The following C1orf94 variants were observed in gnomAD, a reference collection of about 807,000 sequenced individuals.
The protein encoded by C1orf94 is uncharacterized protein C1orf94.
A neutral mutation model predicts 53.6 loss-of-function variants in C1orf94; 45 were observed. That is an observed-to-expected ratio of 0.84 (90% CI 0.66 to 1.08). C1orf94 has a LOEUF of 1.08. Among genes scored for constraint, C1orf94 ranks in the 50% least tolerant of loss-of-function variants. C1orf94 has a pLI of 0.00. For synonymous variants in C1orf94, 304 were observed against 296.1 expected (o/e 1.03, Z -0.27); for missense variants, 762 against 738.9 (o/e 1.03, Z -0.36).
intron 5 of C1orf94, 82 bp from the exon 6 acceptor site, chr1:34,212,128 G>T: frequency 7.7e-7 from 1 of 1,297,852 alleles, no homozygotes; most frequent in Non-Finnish European, 1.1e-6. Context: ...GAGCACAGGG[G>T]CTGAGACTGG....
intron 1 of C1orf94, among the ~76,000 whole-genome samples, chr1:34,188,470 G>C (rs1221041003): frequency 6.6e-6 from 1 of 152,176 alleles, no homozygotes; most frequent in Non-Finnish European, 1.5e-5. Flanking sequence ...CCTTCTTTAA[G>C]TCTGAGTATC....
At chr1:34,213,527 T>C (rs1469526282) in intron 6 of C1orf94, among the ~76,000 whole-genome samples, 1 of 152,114 alleles carries the variant, frequency 6.6e-6, no homozygotes, top group African/African-American at 2.4e-5. Context: ...CACACCCTTT[T>C]CTTTTTTTAT....
chr1:34,169,986 G>T (rs1221017344), intron 1 of C1orf94, among the ~76,000 whole-genome samples: 5 of 152,346 alleles, frequency 3.3e-5, no homozygotes, highest in South Asian at 2.1e-4. Context: ...GCTACCACAT[G>T]CTGTGGTCAC....
chr1:34,202,386 G>A, intron 4 of C1orf94, 127 bp downstream of exon 4: 1 of 1,050,186 alleles, frequency 9.5e-7, no homozygotes, highest in South Asian at 1.7e-5. Context: ...CTACATGCAA[G>A]AGGCTTCGCT....
chr1:34,196,764 C>T (rs867863673), intron 1 of C1orf94, among the ~76,000 whole-genome samples: 4 of 152,128 alleles, frequency 2.6e-5, no homozygotes, highest in East Asian at 1.9e-4. Context: ...ATGGGGGCTG[C>T]GCTACTCTCC....
At chr1:34,176,021 T>C (rs1392118945), upstream of C1orf94, among the ~76,000 whole-genome samples, 4 of 152,082 alleles carry the variant, frequency 2.6e-5, no homozygotes, top group East Asian at 7.7e-4. Flanking sequence ...TTTGCATCGA[T>C]CTCTCCTCGC....
chr1:34,212,317 G>A lies in C1orf94; in HGVS notation c.1632G>A (p.Gln544=). The A allele has an allele frequency of 6.2e-7, 1 of 1,613,900 alleles. No homozygotes were observed. The change falls in exon 6 of 7, where the codon CAG becomes CAA. Residue 544 remains glutamine, a synonymous_variant. Coordinates refer to ENST00000488417, the MANE Select transcript of C1orf94 (RefSeq NM_001134734.2). ...TCCAGCCCAATTATCCCTACCCTCA[G>A]AGGACACCTCCAAAGATGTCTGCCA... ...PFVQPNYPYP[Q]RTPPKMSANP...
intron 6 of C1orf94, among the ~76,000 whole-genome samples, chr1:34,214,525 A>T (rs2148623907): frequency 6.6e-6 from 1 of 152,312 alleles, no homozygotes; most frequent in Admixed American, 6.5e-5. Flanking sequence ...AGAGACCCAG[A>T]CAAGCCCCCT....
chr1:34,171,180 T>A (rs1231535748), intron 1 of C1orf94, among the ~76,000 whole-genome samples: 1 of 152,110 alleles, frequency 6.6e-6, no homozygotes, highest in East Asian at 1.9e-4. Flanking sequence ...TAGCCTCAGA[T>A]CTCCCTATTC....
chr1:34,208,075 G>C (rs1642828448), intron 4 of C1orf94, 82 bp from the exon 5 acceptor site: 1 of 1,390,960 alleles, frequency 7.2e-7, no homozygotes, highest in South Asian at 1.2e-5. Context: ...ACTCAGTCCT[G>C]TCTGGGAACT....
At chr1:34,185,822 G>A (rs924899520) in intron 1 of C1orf94, among the ~76,000 whole-genome samples, 5 of 152,178 alleles carry the variant, frequency 3.3e-5, no homozygotes, top group African/African-American at 4.8e-5. Context: ...GGCCCCTTGG[G>A]CCTGGTTTTC....
rs1479357568 is a variant in C1orf94 at position 34,208,277 on chromosome 1, G to A, written c.1524+43G>A. On this transcript the variant is annotated intron_variant, in intron 5 of 6. Coordinates refer to ENST00000488417, the MANE Select transcript of C1orf94 (RefSeq NM_001134734.2). The stretch of plus-strand genomic sequence containing the variant: ...CCTCCTCTGTCCTGGGTCCATGAAG[G>A]CCTTTGGGTCAGAGGGTGCATCTGC... 2.2e-5 allele frequency: 35 copies of A among 1,590,344 alleles called. 1 individual carries two copies. In the East Asian group the frequency reaches 8.0e-4, roughly 36 times the overall value.
upstream of C1orf94, among the ~76,000 whole-genome samples, chr1:34,175,293 C>T (rs1642209245): frequency 6.6e-6 from 1 of 150,690 alleles, no homozygotes; most frequent in South Asian, 2.1e-4. Flanking sequence ...AGCTGGCTAA[C>T]TTCCAGAATC....
chr1:34,177,556 T>C lies in C1orf94; in HGVS notation c.-234T>C. 1 of 492,444 alleles carries C rather than the reference T, an allele frequency of 2.0e-6. No homozygotes were observed. The highest frequency in any genetic ancestry group is 3.6e-6 in the Non-Finnish European group (1 of 278,584). The allele number at this position is 492,444 out of a possible 1,614,324, so 30.5% of individuals were successfully genotyped here. The stretch of plus-strand genomic sequence containing the variant: ...TCCACTGTTCCTAAGCTACTGGTTT[T>C]TGTTGACTTTTAAATATTTTCTTCT... On this transcript the variant is annotated 5_prime_UTR_variant, in exon 1 of 7. Coordinates refer to ENST00000488417, the MANE Select transcript of C1orf94 (RefSeq NM_001134734.2).
At chr1:34,212,696 G>A (rs1642916125) in intron 6 of C1orf94, among the ~76,000 whole-genome samples, 1 of 152,200 alleles carries the variant, frequency 6.6e-6, no homozygotes, top group Non-Finnish European at 1.5e-5. Flanking sequence ...ATAGGCAGGG[G>A]CAGTTGGTGC....
At chr1:34,210,725 G>A (rs1168378341) in intron 5 of C1orf94, among the ~76,000 whole-genome samples, 2 of 151,864 alleles carry the variant, frequency 1.3e-5, no homozygotes, top group African/African-American at 2.4e-5. Flanking sequence ...CACAATCTTG[G>A]CTCACTGCAA....
chr1:34,174,607 T>C (rs902802550), upstream of C1orf94, among the ~76,000 whole-genome samples: 1 of 152,156 alleles, frequency 6.6e-6, no homozygotes, highest in African/African-American at 2.4e-5. Context: ...GGGACACATA[T>C]ACAGGGAAGA....
In C1orf94 at chr1:34,177,277, C is replaced by T. The variant is rs1201099077; in HGVS notation, c.-513C>T. On this transcript the variant is annotated 5_prime_UTR_variant, in exon 1 of 7. Coordinates refer to ENST00000488417, the MANE Select transcript of C1orf94 (RefSeq NM_001134734.2). The stretch of plus-strand genomic sequence containing the variant: ...GTTGACGCTCGCTCTGCGAGGGGCT[C>T]CCTGGGAACGCCCAGGCGAGCGCCT... 1.3e-5 allele frequency among the ~76,000 whole-genome samples: 2 copies of T among 152,222 alleles called. No individual in the cohort carries two copies. Among genetic ancestry groups the T allele is most frequent in the Non-Finnish European group, 2.9e-5 (2 of 68,038 alleles).
chr1:34,203,098 T>G (rs1172830672), intron 4 of C1orf94, among the ~76,000 whole-genome samples: 1 of 152,092 alleles, frequency 6.6e-6, no homozygotes, highest in Non-Finnish European at 1.5e-5. Flanking sequence ...TTGAACATCT[T>G]TATATGTCAT....
Sources: gnomAD v4.1 joint callset for allele counts (sites outside exome capture counted in the v4.1 genomes callset) on GRCh38, gnomAD v4.1.1 for gene constraint, MANE v1.5 for transcripts, NCBI Gene and HGNC (gene_info 2026-07-23, HGNC 2026-07-21) for gene names.